Variants in STXBP5L observed in about 807,000 individuals in gnomAD.
The protein encoded by STXBP5L is syntaxin-binding protein 5-like.
Under a neutral mutation model 144.5 loss-of-function variants are expected in STXBP5L, and 65 were observed. The ratio of observed to expected loss-of-function variants is 0.45; its 90% CI spans 0.37 to 0.55. STXBP5L has a LOEUF of 0.55. STXBP5L is among the 20% of genes least tolerant of loss of function. The pLI, the probability that STXBP5L is intolerant of heterozygous loss-of-function variation, is 0.00. For missense variants in STXBP5L, 1,298 were observed against 1,405.5 expected, an observed-to-expected ratio of 0.92 and a Z score of 1.22; for synonymous variants, 505 against 469.6, an observed-to-expected ratio of 1.08 and a Z score of -0.97.
At position 121,184,990 on chromosome 3, in the gene STXBP5L, A is replaced by G. The variant is rs149482378; in HGVS notation, c.878-20933A>G. On this transcript the variant is annotated intron_variant, in intron 9 of 26. Transcript: ENST00000471454. ...GTTTCATAAGCAAAGGAGAAATAAA[A>G]TCCTTTACAGACAAGCAAATGCTGA... Among the ~76,000 whole-genome samples, 644 of 152,328 alleles carry G rather than the reference A, an allele frequency of 4.2e-3. 5 individuals are homozygous for G. The highest frequency in any genetic ancestry group is 0.015 in the African/African-American group (614 of 41,578).
At chr3:121,217,742 G>A (rs1277996754) in intron 10 of STXBP5L, among the ~76,000 whole-genome samples, 1 of 151,850 alleles carries the variant, frequency 6.6e-6, no homozygotes, top group Non-Finnish European at 1.5e-5. Context: ...TTATCTACTA[G>A]TATCCAATCT....
chr3:121,112,864 T>C (rs1466448531), intron 5 of STXBP5L, among the ~76,000 whole-genome samples: 1 of 152,196 alleles, frequency 6.6e-6, no homozygotes, highest in Non-Finnish European at 1.5e-5. Flanking sequence ...TATAAAGGTA[T>C]TGACTAATCA....
chr3:120,960,688 C>T (rs1938670352), intron 3 of STXBP5L, among the ~76,000 whole-genome samples: 1 of 151,820 alleles, frequency 6.6e-6, no homozygotes, highest in African/African-American at 2.4e-5. Context: ...CGTGTTCTCA[C>T]TCATAGGTGG....
At chr3:121,066,113 G>A (rs112219535) in intron 5 of STXBP5L, among the ~76,000 whole-genome samples, 16 of 152,232 alleles carry the variant, frequency 1.1e-4, no homozygotes, top group Non-Finnish European at 1.9e-4. Context: ...CACAGGTCCC[G>A]TGCACACTCA....
chr3:121,211,139 T>C (rs1346829557), intron 10 of STXBP5L, among the ~76,000 whole-genome samples: 3 of 152,204 alleles, frequency 2.0e-5, no homozygotes, highest in Non-Finnish European at 4.4e-5. Context: ...CTTGAAGAGG[T>C]CCTTGACATC....
At chr3:121,318,434 G>C in intron 19 of STXBP5L, 41 bp from the exon 20 acceptor site, 3 of 1,483,724 alleles carry the variant, frequency 2.0e-6, no homozygotes, top group Non-Finnish European at 2.7e-6. Context: ...CCTACAAAAT[G>C]CTAGCAAAAT....
At chr3:121,147,781 G>A (rs2045771139) in intron 7 of STXBP5L, among the ~76,000 whole-genome samples, 1 of 152,152 alleles carries the variant, frequency 6.6e-6, no homozygotes, top group African/African-American at 2.4e-5. Flanking sequence ...TCATCAATCA[G>A]CTGAAGGCCT....
intron 3 of STXBP5L, among the ~76,000 whole-genome samples, chr3:121,041,328 C>A (rs1219594137): frequency 1.3e-5 from 2 of 151,932 alleles, no homozygotes; most frequent in African/African-American, 4.8e-5. Flanking sequence ...TCTTTTAAGT[C>A]TCATCTTATG....
intron 3 of STXBP5L, among the ~76,000 whole-genome samples, chr3:120,963,316 A>C (rs1939102264): frequency 6.6e-6 from 1 of 152,164 alleles, no homozygotes; most frequent in African/African-American, 2.4e-5. Flanking sequence ...CATTATGTTG[A>C]ATAGGAATAG....
intron 3 of STXBP5L, among the ~76,000 whole-genome samples, chr3:120,970,442 G>T (rs1187382132): frequency 2.0e-5 from 3 of 152,034 alleles, no homozygotes; most frequent in African/African-American, 7.2e-5. Context: ...TACTTTTGCT[G>T]GGTACAGTAT....
At chr3:121,020,415 C>A (rs1010737023) in intron 3 of STXBP5L, among the ~76,000 whole-genome samples, 5 of 152,192 alleles carry the variant, frequency 3.3e-5, no homozygotes, top group African/African-American at 9.6e-5. Context: ...TCAAAGAACA[C>A]CTGGGAAATT....
intron 18 of STXBP5L, among the ~76,000 whole-genome samples, chr3:121,273,281 C>T (rs1014099282): frequency 2.0e-5 from 3 of 150,942 alleles, no homozygotes; most frequent in Admixed American, 6.6e-5. Context: ...TTGCTAGATA[C>T]GGTATTGTTG....
At chr3:121,026,314 A>T (rs1239812328) in intron 3 of STXBP5L, among the ~76,000 whole-genome samples, 1 of 151,936 alleles carries the variant, frequency 6.6e-6, no homozygotes, top group African/African-American at 2.4e-5. Context: ...AATCTTTTAT[A>T]TTCATGCCTG....
At chr3:121,402,923 A>G (rs2108735605) in intron 22 of STXBP5L, among the ~76,000 whole-genome samples, 1 of 152,202 alleles carries the variant, frequency 6.6e-6, no homozygotes, top group African/African-American at 2.4e-5. Flanking sequence ...CTGAACTACT[A>G]GACTCAAACG....
At chr3:121,062,390 G>C (rs1053476593) in intron 5 of STXBP5L, among the ~76,000 whole-genome samples, 1 of 152,156 alleles carries the variant, frequency 6.6e-6, no homozygotes, top group African/African-American at 2.4e-5. Context: ...TCCCTTTGTG[G>C]CTAACCTGAC....
At chr3:121,293,078 T>G (rs1183575759) in intron 19 of STXBP5L, among the ~76,000 whole-genome samples, 2 of 152,222 alleles carry the variant, frequency 1.3e-5, no homozygotes, top group Non-Finnish European at 2.9e-5. Context: ...AAATTTTTAT[T>G]AAGTAAATGG....
intron 5 of STXBP5L, among the ~76,000 whole-genome samples, chr3:121,074,426 T>C (rs1478851679): frequency 6.6e-6 from 1 of 152,166 alleles, no homozygotes; most frequent in African/African-American, 2.4e-5. Context: ...ACAAGGCACA[T>C]CTTTGCATTA....
chr3:120,948,893 A>G (rs1037142894), intron 2 of STXBP5L, among the ~76,000 whole-genome samples: 7 of 151,252 alleles, frequency 4.6e-5, no homozygotes, highest in Non-Finnish European at 1.0e-4. Context: ...TTTTCATATA[A>G]TGATTTTTTT....
rs4524223 is a variant in STXBP5L, at chr3:121,348,633, A to T, written c.2177-30083A>T. Among the ~76,000 whole-genome samples, 381 of 151,892 alleles carry T rather than the reference A, an allele frequency of 2.5e-3. 3 individuals are homozygous for T. Among genetic ancestry groups the T allele is most frequent in the African/African-American group, 8.6e-3 (358 of 41,410 alleles). On this transcript the variant is annotated intron_variant, in intron 20 of 26. Coordinates refer to ENST00000471454, the MANE Select transcript of STXBP5L (RefSeq NM_001308330.2). ...GCTATTAATTATTACCTCAATTTCA[A>T]AGCCTGTTATTGGTCTATTCAGAGA...
Sources: allele counts gnomAD v4.1 joint callset (sites outside exome capture counted in the v4.1 genomes callset), GRCh38; gene constraint gnomAD v4.1.1; transcripts MANE v1.5; gene names NCBI Gene and HGNC (gene_info 2026-07-23, HGNC 2026-07-21).